Variants in AUTS2 observed in about 807,000 individuals in gnomAD.
AUTS2 encodes the protein activator of transcription and developmental regulator AUTS2, also known as autism susceptibility gene 2 protein.
AUTS2 carries 17 observed loss-of-function variants against 112.4 expected under a neutral mutation model. That is an observed-to-expected ratio of 0.15 (90% CI 0.10 to 0.23). The LOEUF (loss-of-function observed/expected upper bound fraction) is 0.23, where lower values mean the gene tolerates loss of function less well. AUTS2 is among the 10% of genes least tolerant of loss of function. AUTS2 has a pLI of 1.00. For missense variants in AUTS2, 1,510 were observed against 1,701.6 expected (o/e 0.89, Z 1.98); for synonymous variants, 751 against 702.7 (o/e 1.07, Z -1.09).
chr7:70,106,594 CT>C (rs1804780133), intron 2 of AUTS2, among the ~76,000 whole-genome samples: 2 of 152,136 alleles, frequency 1.3e-5, no homozygotes, highest in Non-Finnish European at 2.9e-5. Flanking sequence ...GTAGTATACA[CT>C]TGTAGTCCCA....
At chr7:70,050,547 G>A (rs6944725) in intron 2 of AUTS2, among the ~76,000 whole-genome samples, 55,623 of 151,296 alleles carry the variant, frequency 0.37, 10,760 homozygotes, top group African/African-American at 0.49. Context: ...CTGTTTCCCA[G>A]CTCCAACCCA....
At chr7:70,246,383 G>A (rs1812926506) in intron 4 of AUTS2, among the ~76,000 whole-genome samples, 1 of 152,004 alleles carries the variant, frequency 6.6e-6, no homozygotes, top group African/African-American at 2.4e-5. Flanking sequence ...GTGAGGTAAG[G>A]TAAGGGTTCA....
intron 5 of AUTS2, among the ~76,000 whole-genome samples, chr7:70,612,329 G>A (rs1044660868): frequency 2.0e-4 from 31 of 152,298 alleles, no homozygotes; most frequent in Admixed American, 1.7e-3. Context: ...CTTACAGAGA[G>A]TCCCTGTAGA....
rs1258222166 is a variant in AUTS2 at position 70,790,824 on chromosome 7, A to G, written c.3608A>G (p.Asn1203Ser). Residue 1203 changes from asparagine to serine, a missense_variant, in exon 19 of 19, where the codon AAC becomes AGC. Physicochemically the swap from Asn to Ser is conservative, Grantham distance 46. Around this residue, in one of 3 missense-constraint regions of AUTS2, gnomAD observed 788 missense variants for 797.6 expected, o/e 0.99. Coordinates refer to ENST00000342771, the MANE Select transcript of AUTS2 (RefSeq NM_015570.4). This position sits in a 1 kb window ranked among gnomAD's most constrained non-coding sequence, Gnocchi z 7.6. The stretch of plus-strand genomic sequence containing the variant: ...CCCCGCATCAGCCCCACCGCGGGCA[A>G]CCAGAACGGACTCCTCAACAAGACC... The part of the protein sequence containing the change: ...HYPRISPTAG[N>S]QNGLLNKTPP... The G allele has an allele frequency of 1.2e-6, 2 of 1,606,378 alleles. No individual in the cohort carries two copies. The highest frequency in any genetic ancestry group is 1.1e-5 in the South Asian group (1 of 90,016).
intron 4 of AUTS2, among the ~76,000 whole-genome samples, chr7:70,206,670 G>A (rs1244490829): frequency 2.0e-5 from 3 of 152,182 alleles, no homozygotes; most frequent in South Asian, 2.1e-4. Flanking sequence ...TGGCAGTCTT[G>A]TCTGTTCCCT....
At chr7:70,693,808 G>T (rs994420219) in intron 5 of AUTS2, among the ~76,000 whole-genome samples, 2 of 152,220 alleles carry the variant, frequency 1.3e-5, no homozygotes, top group African/African-American at 4.8e-5. Flanking sequence ...CGGGGAGGGC[G>T]AGGAGCGGTG....
chr7:70,631,108 C>A lies in AUTS2; in HGVS notation c.691-67461C>A, dbSNP rs1282720089. Among the ~76,000 whole-genome samples the A allele has an allele frequency of 2.0e-5, 3 of 152,320 alleles. No individual in the cohort carries two copies. The East Asian group carries it at 5.8e-4, about 29-fold the overall frequency. On this transcript the variant is annotated intron_variant, in intron 5 of 18. Coordinates refer to ENST00000342771, the MANE Select transcript of AUTS2 (RefSeq NM_015570.4). The surrounding 1 kb of genome is among the most constrained non-coding windows in gnomAD (Gnocchi z 4.5). ...CTGCTTCCCTCAGCAGCAGCCACAG[C>A]CAGCAACCCGCTCTGGCCCCTCGCC...
At chr7:69,784,923 C>CA (rs1271887500) in intron 1 of AUTS2, among the ~76,000 whole-genome samples, 8 of 151,132 alleles carry the variant, frequency 5.3e-5, no homozygotes, top group Non-Finnish European at 8.8e-5. Context: ...CAGTGGTAAA[C>CA]AAAAAAAGGT....
chr7:70,302,100 A>G (rs1372423946), intron 4 of AUTS2, among the ~76,000 whole-genome samples: 1 of 152,184 alleles, frequency 6.6e-6, no homozygotes, highest in Non-Finnish European at 1.5e-5. Flanking sequence ...AGCCAAAGGC[A>G]TTGATTAGGC....
intron 4 of AUTS2, among the ~76,000 whole-genome samples, chr7:70,235,897 G>GT (rs1773068380): frequency 6.6e-6 from 1 of 151,986 alleles, no homozygotes; most frequent in South Asian, 2.1e-4. Context: ...TGACCTCGTG[G>GT]TCCGCCCACC....
intron 4 of AUTS2, among the ~76,000 whole-genome samples, chr7:70,405,552 T>G (rs1794495573): frequency 1.3e-5 from 2 of 152,244 alleles, no homozygotes; most frequent in African/African-American, 4.8e-5. Context: ...CAGCATATGA[T>G]AGAAGACCAA....
chr7:70,335,900 C>T (rs1790968160), intron 4 of AUTS2, among the ~76,000 whole-genome samples: 2 of 152,126 alleles, frequency 1.3e-5, no homozygotes, highest in African/African-American at 2.4e-5. Context: ...TTATGGAAAA[C>T]GCTTCCACAG....
At chr7:70,539,709 C>T (rs188970845) in intron 5 of AUTS2, among the ~76,000 whole-genome samples, 74 of 152,210 alleles carry the variant, frequency 4.9e-4, no homozygotes, top group Non-Finnish European at 6.8e-4. Context: ...TTTTACACTG[C>T]GAATCGCGAG....
chr7:70,249,373 G>T (rs1297914701), intron 4 of AUTS2, among the ~76,000 whole-genome samples: 1 of 152,036 alleles, frequency 6.6e-6, no homozygotes, highest in Non-Finnish European at 1.5e-5. Context: ...AGCCACATGT[G>T]GCCAGTGGCT....
intron 2 of AUTS2, among the ~76,000 whole-genome samples, chr7:70,079,809 T>C (rs1356095043): frequency 6.6e-6 from 1 of 152,118 alleles, no homozygotes; most frequent in East Asian, 1.9e-4. Flanking sequence ...CACCGCAAAC[T>C]GAGTAATTTA....
At chr7:70,267,917 T>C (rs1476498821) in intron 4 of AUTS2, among the ~76,000 whole-genome samples, 1 of 152,208 alleles carries the variant, frequency 6.6e-6, no homozygotes, top group Non-Finnish European at 1.5e-5. Flanking sequence ...GAAACGCTGC[T>C]TAAACCCAGA....
At chr7:69,625,233 A>G (rs1008329069) in intron 1 of AUTS2, among the ~76,000 whole-genome samples, 3 of 152,182 alleles carry the variant, frequency 2.0e-5, no homozygotes, top group Non-Finnish European at 1.5e-5. Context: ...TTTTATAGGA[A>G]AAGGGTGCTT....
At chr7:70,299,745 T>TC (rs1348747864) in intron 4 of AUTS2, among the ~76,000 whole-genome samples, 1 of 151,986 alleles carries the variant, frequency 6.6e-6, no homozygotes, top group Non-Finnish European at 1.5e-5. Flanking sequence ...ATATTTATAG[T>TC]CCACAGGGTT....
intron 4 of AUTS2, among the ~76,000 whole-genome samples, chr7:70,254,707 C>T (rs1467781121): frequency 1.3e-5 from 2 of 152,116 alleles, no homozygotes; most frequent in Non-Finnish European, 2.9e-5. Flanking sequence ...TTGTAATCTC[C>T]TTAAGAGCAA....
Sources: gnomAD v4.1 joint callset for allele counts (sites outside exome capture counted in the v4.1 genomes callset) on GRCh38, gnomAD v4.1.1 for gene constraint, gnomAD v4.1.1 regional missense constraint, Gnocchi (gnomAD v3.1) non-coding constraint, MANE v1.5 for transcripts, NCBI Gene and HGNC (gene_info 2026-07-23, HGNC 2026-07-21) for gene names.